Variants in OR3A2 observed in about 807,000 individuals in gnomAD.
The protein encoded by OR3A2 is olfactory receptor family 3 subfamily A member 2.
For missense variants in OR3A2, 318 were observed against 392.8 expected (o/e 0.81, Z 1.61); for synonymous variants, 126 against 159.3 (o/e 0.79, Z 1.57).
intron 1 of OR3A2, among the ~76,000 whole-genome samples, chr17:3,282,877 C>T (rs999551798): frequency 5.3e-5 from 8 of 152,204 alleles, no homozygotes; most frequent in African/African-American, 1.9e-4. Context: ...TTTTCCCCAC[C>T]TGCAATGGTT....
At chr17:3,291,510 A>G in intron 3 of OR3A2, 4 of 685,356 alleles carry the variant, frequency 5.8e-6, no homozygotes, top group South Asian at 2.1e-5. Context: ...ATTATTCCCT[A>G]CAAAAAGTCC....
chr17:3,343,635 T>C (rs1325848636), intron 2 of OR3A2, among the ~76,000 whole-genome samples: 3 of 152,148 alleles, frequency 2.0e-5, no homozygotes, highest in African/African-American at 7.2e-5. Context: ...AATTCAGTAA[T>C]TCAGTAGTTC....
intron 2 of OR3A2, among the ~76,000 whole-genome samples, chr17:3,377,037 CTT>C (rs1288508992): frequency 6.6e-6 from 1 of 152,208 alleles, no homozygotes; most frequent in Non-Finnish European, 1.5e-5. Flanking sequence ...TGGAGGCAGA[CTT>C]TTCTCCCTCT....
intron 3 of OR3A2, among the ~76,000 whole-genome samples, chr17:3,294,257 T>C (rs1455377707): frequency 1.3e-5 from 2 of 149,710 alleles, no homozygotes; most frequent in Non-Finnish European, 3.0e-5. Flanking sequence ...AGGGAAGGGA[T>C]TGCAAGAAAG....
At chr17:3,376,766 A>C (rs2049688435) in intron 2 of OR3A2, among the ~76,000 whole-genome samples, 2 of 143,902 alleles carry the variant, frequency 1.4e-5, no homozygotes, top group South Asian at 2.4e-4. Flanking sequence ...CTTATTACAG[A>C]GGTCAGCTAG....
At chr17:3,376,393 G>A (rs1453299900) in intron 2 of OR3A2, among the ~76,000 whole-genome samples, 1 of 152,190 alleles carries the variant, frequency 6.6e-6, no homozygotes, top group Non-Finnish European at 1.5e-5. Context: ...GGTGGGTAGA[G>A]AAAAACCATC....
chr17:3,359,053 G>C (rs1343424920), intron 2 of OR3A2, among the ~76,000 whole-genome samples: 4 of 151,662 alleles, frequency 2.6e-5, no homozygotes, highest in Non-Finnish European at 5.9e-5. Context: ...TGTCTTTTTT[G>C]ATATTTGTTG....
chr17:3,353,791 TCAAG>T, intron 2 of OR3A2, among the ~76,000 whole-genome samples: 1 of 151,980 alleles, frequency 6.6e-6, no homozygotes, highest in East Asian at 1.9e-4. Context: ...GTCCATCACC[TCAAG>T]CACTTATGTT....
rs58615412 is a variant in OR3A2, at chr17:3,281,235, A to ATT, written c.-6-2314_-6-2313dup. Among the ~76,000 whole-genome samples the ATT allele has an allele frequency of 2.2e-3, 300 of 137,386 alleles. 1 individual carries two copies. Among genetic ancestry groups the ATT allele is most frequent in the South Asian group, 0.015 (62 of 4,220 alleles). The allele number at this position is 137,386 out of a possible 152,430, so 90.1% of individuals were successfully genotyped here. A position where few individuals can be genotyped will look rare whatever the true frequency, so the allele number is the denominator to read the frequency against. ...CCCAAGATAATACCCAGGCATCAGG[A>ATT]TTTTTTTTTTTTTTTTTGAGATGGA... On this transcript the variant is annotated intron_variant, in intron 1 of 1. Transcript: ENST00000642052.
At chr17:3,355,458 CTCTTT>C (rs1567565988) in intron 2 of OR3A2, among the ~76,000 whole-genome samples, 8 of 92,288 alleles carry the variant, frequency 8.7e-5, no homozygotes, top group African/African-American at 4.7e-4. Context: ...CTCTCTCTCT[CTCTTT>C]AGCTCTAATA....
downstream of OR3A2, among the ~76,000 whole-genome samples, chr17:3,276,597 C>T (rs1464313118): frequency 1.3e-5 from 2 of 152,164 alleles, no homozygotes; most frequent in African/African-American, 4.8e-5. Flanking sequence ...TCCCTCCTTT[C>T]CAGGAACTAC....
At chr17:3,300,141 T>C (rs2048951038) in intron 3 of OR3A2, among the ~76,000 whole-genome samples, 2 of 152,006 alleles carry the variant, frequency 1.3e-5, no homozygotes, top group South Asian at 4.2e-4. Flanking sequence ...TCCCTCTTTT[T>C]TTTTTTTAAT....
At chr17:3,282,414 AAG>A (rs1555524323) in intron 1 of OR3A2, among the ~76,000 whole-genome samples, 3 of 152,054 alleles carry the variant, frequency 2.0e-5, no homozygotes, top group Admixed American at 1.3e-4. Flanking sequence ...TCTCAAAAAA[AAG>A]AGTCAAGATA....
At chr17:3,285,418 C>T (rs1383220124), upstream of OR3A2, among the ~76,000 whole-genome samples, 1 of 152,168 alleles carries the variant, frequency 6.6e-6, no homozygotes. Context: ...CCTCACAGAG[C>T]ACTGCTGTGA....
intron 3 of OR3A2, among the ~76,000 whole-genome samples, chr17:3,332,233 C>T (rs1338113581): frequency 6.6e-6 from 1 of 152,252 alleles, no homozygotes; most frequent in Admixed American, 6.5e-5. Context: ...CTGTGGTGGG[C>T]TCCACCCAGT....
At chr17:3,328,945 C>T (rs1211611844) in intron 3 of OR3A2, among the ~76,000 whole-genome samples, 2 of 151,538 alleles carry the variant, frequency 1.3e-5, no homozygotes, top group Non-Finnish European at 2.9e-5. Flanking sequence ...TGTCAAAGGC[C>T]TTTTCTGCAT....
At chr17:3,358,972 T>C (rs2049486203) in intron 2 of OR3A2, among the ~76,000 whole-genome samples, 1 of 151,832 alleles carries the variant, frequency 6.6e-6, no homozygotes, top group Non-Finnish European at 1.5e-5. Context: ...CTGTGTTGTG[T>C]GCATATATAT....
At chr17:3,337,165 T>A (rs549662907) in intron 2 of OR3A2, among the ~76,000 whole-genome samples, 1 of 152,248 alleles carries the variant, frequency 6.6e-6, no homozygotes, top group South Asian at 2.1e-4. Context: ...ATGCATAACA[T>A]AAAATGTATC....
chr17:3,322,399 C>G (rs1293434238), intron 3 of OR3A2, among the ~76,000 whole-genome samples: 1 of 152,050 alleles, frequency 6.6e-6, no homozygotes, highest in African/African-American at 2.4e-5. Context: ...TTAGTTATTT[C>G]TTGCCTTCTA....
Sources: allele counts gnomAD v4.1 joint callset (sites outside exome capture counted in the v4.1 genomes callset), GRCh38; gene constraint gnomAD v4.1.1; transcripts MANE v1.5; gene names NCBI Gene and HGNC (gene_info 2026-07-23, HGNC 2026-07-21).